The following HPSE2 variants were observed in gnomAD, a reference collection of about 807,000 sequenced individuals.
The protein encoded by HPSE2 is heparanase 2 (inactive).
A neutral mutation model predicts 60.5 loss-of-function variants in HPSE2; 38 were observed. The ratio of observed to expected loss-of-function variants is 0.63; its 90% CI spans 0.48 to 0.82. The LOEUF (loss-of-function observed/expected upper bound fraction) is 0.82. HPSE2 is among the 40% of genes least tolerant of loss of function. The probability of loss-of-function intolerance (pLI) is 0.00; values close to 1 mark genes in which losing one functional copy is unlikely to be tolerated. For synonymous variants in HPSE2, 295 were observed against 293.2 expected (o/e 1.01, Z -0.06); for missense variants, 713 against 740.4 (o/e 0.96, Z 0.43).
rs144150541 is a variant in HPSE2 at position 98,756,749 on chromosome 10, T to C, written c.611-12693A>G. On this transcript the variant is annotated intron_variant, in intron 3 of 11. Transcript: ENST00000370552. ...TTACAGCCAAATTCCACCAAACATA[T>C]AAAGAAGAGTTGGTACCAATCACAC... 5.5e-3 allele frequency among the ~76,000 whole-genome samples: 833 copies of C among 151,964 alleles called. 6 individuals are homozygous for C. Among genetic ancestry groups the C allele is most frequent in the African/African-American group, 0.019 (797 of 41,460 alleles).
intron 3 of HPSE2, among the ~76,000 whole-genome samples, chr10:98,838,333 AT>A (rs1299771240): frequency 1.3e-5 from 2 of 152,202 alleles, no homozygotes; most frequent in African/African-American, 4.8e-5. Flanking sequence ...AAGATTGACT[AT>A]ATTAAATATA....
intron 7 of HPSE2, among the ~76,000 whole-genome samples, chr10:98,638,154 A>G (rs916076140): frequency 4.1e-5 from 6 of 147,678 alleles, no homozygotes; most frequent in African/African-American, 1.3e-4. Flanking sequence ...AAAAAAAAAA[A>G]AAAAAAAAAG....
At chr10:99,120,349 G>T (rs865947019) in intron 3 of HPSE2, among the ~76,000 whole-genome samples, 4 of 152,252 alleles carry the variant, frequency 2.6e-5, no homozygotes, top group Admixed American at 6.5e-5. Flanking sequence ...CAACATCACT[G>T]ATCATTAGAG....
chr10:98,742,806 C>CACAT (rs1347495700), intron 4 of HPSE2, among the ~76,000 whole-genome samples: 1 of 151,270 alleles, frequency 6.6e-6, no homozygotes, highest in Non-Finnish European at 1.5e-5. Flanking sequence ...CACACACACA[C>CACAT]ACACACACAC....
At chr10:99,265,954 A>C in the HPSE2 span, among the ~76,000 whole-genome samples, 5 of 152,218 alleles carry the variant, frequency 3.3e-5, no homozygotes, top group Admixed American at 6.5e-5. Context: ...CAGGGGTAGA[A>C]GAAGCAGCAA....
chr10:98,830,769 A>T (rs898131986), intron 3 of HPSE2, among the ~76,000 whole-genome samples: 3 of 152,218 alleles, frequency 2.0e-5, no homozygotes, highest in African/African-American at 7.2e-5. Flanking sequence ...GGTCAAAAAC[A>T]AAGGCACCCA....
the HPSE2 span, among the ~76,000 whole-genome samples, chr10:99,274,389 A>C: frequency 6.6e-6 from 1 of 152,340 alleles, no homozygotes; most frequent in African/African-American, 2.4e-5. Flanking sequence ...CACGTCCTGC[A>C]CATGTATCTT....
At chr10:99,004,477 T>C (rs1956848570) in intron 3 of HPSE2, among the ~76,000 whole-genome samples, 1 of 152,102 alleles carries the variant, frequency 6.6e-6, no homozygotes, top group African/African-American at 2.4e-5. Context: ...AACCTTATAG[T>C]TGTAACAGGC....
chr10:98,620,910 C>T (rs1946056835), intron 7 of HPSE2, among the ~76,000 whole-genome samples: 1 of 152,188 alleles, frequency 6.6e-6, no homozygotes, highest in Non-Finnish European at 1.5e-5. Flanking sequence ...CACATATCCA[C>T]TTAAAGAAAT....
At chr10:99,232,619 G>T in intron 1 of HPSE2, 114 bp from the exon 2 acceptor site, 5 of 1,208,862 alleles carry the variant, frequency 4.1e-6, no homozygotes, top group Non-Finnish European at 1.2e-6. Context: ...GGGGCTAGAG[G>T]CTCTGTGCCT....
At chr10:98,775,948 T>C (rs2134435264) in intron 3 of HPSE2, among the ~76,000 whole-genome samples, 1 of 152,302 alleles carries the variant, frequency 6.6e-6, no homozygotes, top group East Asian at 1.9e-4. Flanking sequence ...CTCTCTATTA[T>C]CTAATCATAA....
chr10:99,088,935 A>T (rs1258967161), intron 3 of HPSE2, among the ~76,000 whole-genome samples: 1 of 152,130 alleles, frequency 6.6e-6, no homozygotes, highest in Non-Finnish European at 1.5e-5. Flanking sequence ...ATAATTAATG[A>T]GGTTGAACAT....
At chr10:98,490,017 A>C in intron 10 of HPSE2, 34 bp downstream of exon 10, 1 of 1,613,692 alleles carries the variant, frequency 6.2e-7, no homozygotes, top group African/African-American at 1.3e-5. Flanking sequence ...GGAGCCCCTC[A>C]GGTGGCCTTT....
In HPSE2 at chr10:98,751,578, C is replaced by G. The variant is rs531137117; in HGVS notation, c.611-7522G>C. ...GACCCTTAGCTCTTGGAAGACAGGG[C>G]TGGTGACTCCAGAAGGAAAAATGGG... On this transcript the variant is annotated intron_variant, in intron 3 of 11. Transcript: ENST00000370552. Among the ~76,000 whole-genome samples, 11 of 152,300 alleles carry G rather than the reference C, an allele frequency of 7.2e-5. 1 individual carries two copies. In the South Asian group the frequency reaches 2.1e-3, roughly 29 times the overall value.
chr10:98,868,709 T>C (rs892372219), intron 3 of HPSE2, among the ~76,000 whole-genome samples: 3 of 152,128 alleles, frequency 2.0e-5, no homozygotes, highest in African/African-American at 7.2e-5. Context: ...TCTTCTTGAT[T>C]TTCTAATATA....
intron 3 of HPSE2, among the ~76,000 whole-genome samples, chr10:98,941,731 T>C (rs1589402154): frequency 7.4e-6 from 1 of 135,598 alleles, no homozygotes; most frequent in Admixed American, 7.4e-5. Context: ...AAAAACTACT[T>C]TAAAGTTCAT....
At chr10:98,472,544 A>G (rs1940821228) in intron 11 of HPSE2, among the ~76,000 whole-genome samples, 1 of 152,170 alleles carries the variant, frequency 6.6e-6, no homozygotes, top group African/African-American at 2.4e-5. Flanking sequence ...TGATATTTTA[A>G]CATCTGAAGC....
chr10:98,593,768 G>T, intron 9 of HPSE2, among the ~76,000 whole-genome samples: 1 of 152,116 alleles, frequency 6.6e-6, no homozygotes, highest in East Asian at 1.9e-4. Context: ...ACAATAGATT[G>T]AAGACAATAT....
At chr10:98,611,742 T>C (rs775952320) in intron 9 of HPSE2, among the ~76,000 whole-genome samples, 15 of 152,192 alleles carry the variant, frequency 9.9e-5, no homozygotes, top group Non-Finnish European at 1.8e-4. Flanking sequence ...GTTCTCTACT[T>C]ATAAGGTGCA....
Sources: allele counts gnomAD v4.1 joint callset (sites outside exome capture counted in the v4.1 genomes callset), GRCh38; gene constraint gnomAD v4.1.1; transcripts MANE v1.5; gene names NCBI Gene and HGNC (gene_info 2026-07-23, HGNC 2026-07-21).